Variants in CATSPERT observed in about 807,000 individuals in gnomAD.
CATSPERT encodes the protein cation channel sperm-associated targeting subunit tau.
the CATSPERT span, among the ~76,000 whole-genome samples, chr2:201,601,112 T>C: frequency 3.9e-5 from 6 of 152,230 alleles, no homozygotes; most frequent in African/African-American, 1.4e-4. Context: ...AACAGAAACA[T>C]AGTAAGTGCC....
At chr2:201,536,441 T>C in the CATSPERT span, 1 of 1,230,996 alleles carries the variant, frequency 8.1e-7, no homozygotes, top group Non-Finnish European at 1.1e-6. Context: ...CAAATTACCA[T>C]TATTATTTGT....
the CATSPERT span, among the ~76,000 whole-genome samples, chr2:201,520,569 G>A: frequency 1.3e-5 from 2 of 152,156 alleles, no homozygotes; most frequent in African/African-American, 4.8e-5. Context: ...AATAACCACT[G>A]CGTGAAGAAA....
the CATSPERT span, among the ~76,000 whole-genome samples, chr2:201,614,797 G>T: frequency 6.6e-6 from 1 of 152,186 alleles, no homozygotes; most frequent in Non-Finnish European, 1.5e-5. Context: ...CCATCAGTGT[G>T]CTGTATTTAG....
At chr2:201,606,987 A>G in the CATSPERT span, among the ~76,000 whole-genome samples, 1 of 152,120 alleles carries the variant, frequency 6.6e-6, no homozygotes, top group South Asian at 2.1e-4. Context: ...TGTTACTACT[A>G]CAGAAACCAC....
the CATSPERT span, among the ~76,000 whole-genome samples, chr2:201,528,341 A>C: frequency 1.3e-5 from 2 of 152,232 alleles, no homozygotes; most frequent in African/African-American, 4.8e-5. Flanking sequence ...CCCACTGTGA[A>C]AAGCTGTTTG....
the CATSPERT span, chr2:201,572,163 A>G: frequency 1.1e-5 from 6 of 553,940 alleles, no homozygotes; most frequent in Non-Finnish European, 1.9e-5. Context: ...GTAAGGAAAT[A>G]AGGAATTAAG....
chr2:201,601,843 T>C, the CATSPERT span: 2 of 1,607,428 alleles, frequency 1.2e-6, no homozygotes, highest in Admixed American at 1.7e-5. Flanking sequence ...GCTTTGTTTA[T>C]AGAGATGCGA....
chr2:201,602,288 T>A, the CATSPERT span, among the ~76,000 whole-genome samples: 4 of 152,164 alleles, frequency 2.6e-5, no homozygotes, highest in African/African-American at 7.2e-5. Context: ...TCTACTCTAA[T>A]TCACTTAAGA....
chr2:201,556,811 A>G, the CATSPERT span: 2 of 151,978 alleles, frequency 1.3e-5, no homozygotes, highest in Non-Finnish European at 2.9e-5. Context: ...TGGGTGACAG[A>G]GTGAGACTCT....
chr2:201,490,884 C>T, the CATSPERT span, among the ~76,000 whole-genome samples: 7 of 151,996 alleles, frequency 4.6e-5, no homozygotes, highest in Non-Finnish European at 8.8e-5. Context: ...CCACCATGCC[C>T]GGCTAATGTT....
At chr2:201,618,773 G>T in the CATSPERT span, 2 of 672,192 alleles carry the variant, frequency 3.0e-6, no homozygotes, top group Non-Finnish European at 4.9e-6. Context: ...GGATTAAAGG[G>T]TTCAATGTGT....
At chr2:201,614,001 T>C in the CATSPERT span, among the ~76,000 whole-genome samples, 387 of 151,904 alleles carry the variant, frequency 2.5e-3, 2 homozygotes, top group African/African-American at 8.7e-3. Context: ...AGAAGAGAAG[T>C]TGATAGAAAA....
At chr2:201,586,089 C>T in the CATSPERT span, among the ~76,000 whole-genome samples, 1 of 152,180 alleles carries the variant, frequency 6.6e-6, no homozygotes, top group East Asian at 1.9e-4. Flanking sequence ...ACAGTAAATA[C>T]GCTTTCTCTT....
At chr2:201,554,783 T>G in the CATSPERT span, 1 of 152,220 alleles carries the variant, frequency 6.6e-6, no homozygotes, top group Non-Finnish European at 1.5e-5. Context: ...TAATTATTAT[T>G]CTCTGATAAG....
the CATSPERT span, among the ~76,000 whole-genome samples, chr2:201,583,096 G>C: frequency 3.9e-5 from 6 of 152,166 alleles, no homozygotes; most frequent in African/African-American, 1.4e-4. Flanking sequence ...AAAATGGTGA[G>C]AAGTAATCAT....
chr2:201,566,647 T>A, the CATSPERT span, among the ~76,000 whole-genome samples: 17 of 151,996 alleles, frequency 1.1e-4, no homozygotes, highest in Non-Finnish European at 2.5e-4. Context: ...CTATTGTGAA[T>A]AGTGCCGCAA....
the CATSPERT span, among the ~76,000 whole-genome samples, chr2:201,500,280 C>T: frequency 5.9e-5 from 9 of 151,882 alleles, no homozygotes; most frequent in Non-Finnish European, 1.0e-4. Flanking sequence ...TTTGGGAGGC[C>T]GAGGTGGGTA....
At chr2:201,538,060 T>G in the CATSPERT span, among the ~76,000 whole-genome samples, 1 of 151,998 alleles carries the variant, frequency 6.6e-6, no homozygotes, top group African/African-American at 2.4e-5. Flanking sequence ...CCTATCCTCT[T>G]AAATTTTCTA....
the CATSPERT span, chr2:201,494,582 C>T: frequency 6.5e-7 from 1 of 1,537,164 alleles, no homozygotes; most frequent in Non-Finnish European, 8.7e-7. Flanking sequence ...GTTGTATTAG[C>T]AGGTCCTGCA....
Sources: allele counts gnomAD v4.1 joint callset (sites outside exome capture counted in the v4.1 genomes callset), GRCh38; gene constraint gnomAD v4.1.1; transcripts MANE v1.5; gene names NCBI Gene and HGNC (gene_info 2026-07-23, HGNC 2026-07-21).